WIPF3: variants seen among roughly 807,000 people sequenced by gnomAD.
WIPF3 encodes WAS/WASL interacting protein family member 3, also known as WAS/WASL-interacting protein family member 3.
In WIPF3, 33 loss-of-function variants were observed where a neutral mutation model predicts 38.9. That is an observed-to-expected ratio of 0.85 (90% confidence interval 0.64 to 1.14). WIPF3 has a LOEUF of 1.14. Ranked by LOEUF, WIPF3 falls within the 50% of genes most tolerant of loss-of-function variation. The probability of loss-of-function intolerance (pLI) is 0.00; values close to 1 mark genes in which losing one functional copy is unlikely to be tolerated. For synonymous variants in WIPF3, 324 were observed against 269.3 expected, an observed-to-expected ratio of 1.20 and a Z score of -1.99; for missense variants, 711 against 652.5, an observed-to-expected ratio of 1.09 and a Z score of -0.98.
intron 7 of WIPF3, among the ~76,000 whole-genome samples, chr7:29,902,778 T>G (rs1786313614): frequency 6.6e-6 from 1 of 151,128 alleles, no homozygotes; most frequent in African/African-American, 2.4e-5. Context: ...GAGGCGGAGG[T>G]TGCAGTGAGT....
In WIPF3 at chr7:29,839,729, G is replaced by A. The variant is rs1290524366; in HGVS notation, c.90+4915G>A. On this transcript the variant is annotated intron_variant, in intron 2 of 8. Coordinates refer to ENST00000242140, the MANE Select transcript of WIPF3 (RefSeq NM_001080529.3). ...TGGCTGGAAAAAAATTAAAAGAAAA[G>A]TAATATTTTGTGACACATGAAAAGT... Among the ~76,000 whole-genome samples the A allele has an allele frequency of 2.6e-5, 4 of 152,112 alleles. No homozygotes were observed. In the East Asian group the frequency reaches 5.8e-4, roughly 22 times the overall value.
chr7:29,818,295 T>C (rs965903298), intron 1 of WIPF3, among the ~76,000 whole-genome samples: 1 of 151,520 alleles, frequency 6.6e-6, no homozygotes, highest in Non-Finnish European at 1.5e-5. Flanking sequence ...CTCTACTAAA[T>C]ATACAAAAAT....
chr7:29,850,176 G>A (rs1206063122), intron 2 of WIPF3, among the ~76,000 whole-genome samples: 1 of 152,206 alleles, frequency 6.6e-6, no homozygotes, highest in Non-Finnish European at 1.5e-5. Context: ...TCGTGAAGAG[G>A]CACCATGCTT....
chr7:29,856,250 T>C (rs1785185834), intron 2 of WIPF3, among the ~76,000 whole-genome samples: 1 of 152,192 alleles, frequency 6.6e-6, no homozygotes, highest in Admixed American at 6.5e-5. Flanking sequence ...AATCTATCCT[T>C]AAAAACTATG....
intron 2 of WIPF3, among the ~76,000 whole-genome samples, chr7:29,845,603 C>T (rs1784987278): frequency 6.6e-6 from 1 of 152,244 alleles, no homozygotes; most frequent in South Asian, 2.1e-4. Context: ...AAAGAGCCCT[C>T]TTGCCCTCTG....
intron 5 of WIPF3, among the ~76,000 whole-genome samples, chr7:29,885,002 G>C (rs1165198352): frequency 6.6e-6 from 1 of 152,142 alleles, no homozygotes; most frequent in Non-Finnish European, 1.5e-5. Context: ...TGAGGTGGAG[G>C]GGGCGTGAGT....
Position 29,808,281 on chromosome 7 carries a change from A to G in WIPF3, c.-58+1603A>G, listed in dbSNP as rs1784317309. On this transcript the variant is annotated intron_variant, in intron 1 of 8. Transcript: ENST00000242140. ...AAAAACCACAAAAACCAAATCAGAA[A>G]AGAAGTGGCGAGGAGGGGCAAAAGA... 3.9e-5 allele frequency among the ~76,000 whole-genome samples: 6 copies of G among 152,242 alleles called. No individual in the cohort carries two copies. The South Asian group carries it at 1.2e-3, about 31-fold the overall frequency.
At chr7:29,867,825 C>G (rs1316436699) in intron 2 of WIPF3, among the ~76,000 whole-genome samples, 3 of 152,186 alleles carry the variant, frequency 2.0e-5, no homozygotes, top group Non-Finnish European at 4.4e-5. Flanking sequence ...TCTTCCCACA[C>G]CTGCGTGCTT....
intron 2 of WIPF3, among the ~76,000 whole-genome samples, chr7:29,868,835 C>A (rs1023413947): frequency 1.3e-5 from 2 of 152,060 alleles, no homozygotes; most frequent in Non-Finnish European, 2.9e-5. Context: ...ATTTGTGTAT[C>A]TAACCATATC....
intron 2 of WIPF3, among the ~76,000 whole-genome samples, chr7:29,851,242 C>T (rs1785090476): frequency 6.6e-6 from 1 of 152,172 alleles, no homozygotes; most frequent in Admixed American, 6.5e-5. Flanking sequence ...GAGATTGAAC[C>T]CCCCTTTCCC....
chr7:29,843,418 C>T (rs1161364124), intron 2 of WIPF3, among the ~76,000 whole-genome samples: 5 of 152,136 alleles, frequency 3.3e-5, no homozygotes, highest in African/African-American at 4.8e-5. Context: ...TGTTAAGGGC[C>T]TTTGTTGAGT....
intron 2 of WIPF3, among the ~76,000 whole-genome samples, chr7:29,872,773 T>G (rs962523307): frequency 2.6e-5 from 3 of 113,992 alleles, no homozygotes; most frequent in East Asian, 5.4e-4. Context: ...CACTCCAACC[T>G]GGGCGACAGA....
chr7:29,856,093 C>T (rs539891450), intron 2 of WIPF3, among the ~76,000 whole-genome samples: 2 of 152,270 alleles, frequency 1.3e-5, no homozygotes, highest in Non-Finnish European at 2.9e-5. Flanking sequence ...TCCTCACAGA[C>T]TTTGCTAATC....
rs1785920523 is a variant in WIPF3 at position 29,888,096 on chromosome 7, TC to T, written c.1130del (p.Pro377GlnfsTer103). ...GAGGGKLNPP[P>X]APPARSPTTE... ...CCGGTGGGGGAAAGCTAAATCCACCTCCAGCACCCCCTGCGAGATCACCTAC... is the reference window on the plus strand; with the variant it reads ...CCGGTGGGGGAAAGCTAAATCCACCTCAGCACCCCCTGCGAGATCACCTAC... On this transcript the variant is annotated frameshift_variant, in exon 6 of 9. Coordinates refer to ENST00000242140, the MANE Select transcript of WIPF3 (RefSeq NM_001080529.3). LOFTEE classifies it high-confidence loss of function. 6.2e-7 allele frequency: 1 copy of T among 1,613,894 alleles called. No individual in the cohort carries two copies. Among genetic ancestry groups the T allele is most frequent in the Non-Finnish European group, 8.5e-7 (1 of 1,179,870 alleles).
At position 29,889,420 on chromosome 7, in the gene WIPF3, T is replaced by G. The variant is rs1052575347; in HGVS notation, c.1351+13T>G. The G allele has an allele frequency of 4.4e-6, 7 of 1,602,680 alleles. No homozygotes were observed. The highest frequency in any genetic ancestry group is 6.0e-6 in the Non-Finnish European group (7 of 1,169,836). On this transcript the variant is annotated intron_variant, in intron 7 of 8. Transcript: ENST00000242140. ...AAGATCCCCAGAAGTAAGTACCACC[T>G]TGATAAGACTCCTGGCATCTCCCGA...
At chr7:29,849,981 T>C (rs1334073945) in intron 2 of WIPF3, among the ~76,000 whole-genome samples, 1 of 152,212 alleles carries the variant, frequency 6.6e-6, no homozygotes, top group Non-Finnish European at 1.5e-5. Context: ...CTTTTGGGAA[T>C]TGCTTTTTGT....
At chr7:29,856,709 G>GTT in intron 2 of WIPF3, among the ~76,000 whole-genome samples, 1 of 152,100 alleles carries the variant, frequency 6.6e-6, no homozygotes, top group Non-Finnish European at 1.5e-5. Flanking sequence ...TTATTTATTT[G>GTT]TTTATATTGA....
intron 8 of WIPF3, among the ~76,000 whole-genome samples, chr7:29,906,647 A>G (rs1786403517): frequency 6.6e-6 from 1 of 152,186 alleles, no homozygotes; most frequent in African/African-American, 2.4e-5. Flanking sequence ...AAACTCTCCA[A>G]ATTTGATGAA....
intron 7 of WIPF3, among the ~76,000 whole-genome samples, chr7:29,894,670 A>G (rs1411589524): frequency 6.6e-6 from 1 of 151,914 alleles, no homozygotes; most frequent in African/African-American, 2.4e-5. Context: ...GGTCTGGGAG[A>G]CAGTGTTGTT....
Sources: gnomAD v4.1 joint callset for allele counts (sites outside exome capture counted in the v4.1 genomes callset) on GRCh38, gnomAD v4.1.1 for gene constraint, MANE v1.5 for transcripts, NCBI Gene and HGNC (gene_info 2026-07-23, HGNC 2026-07-21) for gene names.